The following CLEC20A variants were observed in gnomAD, a reference collection of about 807,000 sequenced individuals.
The protein encoded by CLEC20A is C-type lectin domain containing 20A, also known as putative C-type lectin domain family 20 member A.
intron 7 of CLEC20A, 78 bp from the exon 8 acceptor site, chr1:178,479,693 G>A (rs1186312093): frequency 7.6e-6 from 3 of 396,362 alleles, no homozygotes; most frequent in South Asian, 1.3e-4. Flanking sequence ...CTATCCATCC[G>A]TATACCCTTT....
At chr1:178,486,542 A>G in intron 5 of CLEC20A, 1 of 398,714 alleles carries the variant, frequency 2.5e-6, no homozygotes, top group Non-Finnish European at 4.4e-6. Flanking sequence ...GGGCTCCCTA[A>G]GCCAAATGAG....
intron 1 of CLEC20A, 41 bp downstream of exon 1, chr1:178,496,859 G>A: frequency 2.5e-6 from 1 of 398,718 alleles, no homozygotes; most frequent in Non-Finnish European, 4.4e-6. Context: ...GCCCGGGGGA[G>A]CATGGAGCCA....
chr1:178,497,371 G>A (rs1028135767), upstream of CLEC20A, among the ~76,000 whole-genome samples: 51 of 152,172 alleles, frequency 3.4e-4, no homozygotes, highest in African/African-American at 1.0e-3. Flanking sequence ...CCCTTGCCTG[G>A]CTGTGTAGAA....
chr1:178,484,213 C>G (rs1392531738), intron 5 of CLEC20A: 3 of 152,152 alleles, frequency 2.0e-5, no homozygotes. Flanking sequence ...TAATCAATTT[C>G]TAAGGGTAGA....
chr1:178,498,455 T>C (rs1649452328), upstream of CLEC20A, among the ~76,000 whole-genome samples: 1 of 152,088 alleles, frequency 6.6e-6, no homozygotes, highest in Admixed American at 6.5e-5. Context: ...CCAGGCTTGG[T>C]GGTGCATGTC....
At position 178,494,256 on chromosome 1, in the gene CLEC20A, G is replaced by A. The variant is rs533093437; in HGVS notation, c.397+198C>T. ...TTAAGGTTGGTTTTTTGTTTGTTTTGTTTTGTTTTTTAATTAGCCAGGTAT... is the reference window on the plus strand; with the variant it reads ...TTAAGGTTGGTTTTTTGTTTGTTTTATTTTGTTTTTTAATTAGCCAGGTAT... On this transcript the variant is annotated intron_variant, in intron 2 of 7. Transcript: ENST00000623247. Among the ~76,000 whole-genome samples, 72 of 152,270 alleles carry A rather than the reference G, an allele frequency of 4.7e-4. 1 individual carries two copies. The highest frequency in any genetic ancestry group is 4.4e-5 in the Non-Finnish European group (3 of 68,018).
exon 2 of CLEC20A, chr1:178,494,462 C>A (rs1649340036): frequency 2.5e-6 from 1 of 399,966 alleles, no homozygotes; most frequent in Non-Finnish European, 4.4e-6. Flanking sequence ...ACCACAGTAG[C>A]AGAGGAAGGG....
intron 1 of CLEC20A, 97 bp from the exon 2 acceptor site, chr1:178,494,907 C>G (rs1158399483): frequency 2.5e-6 from 1 of 398,382 alleles, no homozygotes; most frequent in East Asian, 3.6e-5. Flanking sequence ...TCCCCAGCCT[C>G]TTCCCGCCCA....
chr1:178,491,057 C>T (rs963783557), intron 3 of CLEC20A, among the ~76,000 whole-genome samples: 5 of 152,222 alleles, frequency 3.3e-5, no homozygotes, highest in Non-Finnish European at 5.9e-5. Context: ...GGAGGCAGAG[C>T]AGGCTCAGTG....
intron 6 of CLEC20A, 141 bp from the exon 7 acceptor site, chr1:178,482,538 C>A: frequency 2.5e-6 from 1 of 395,844 alleles, no homozygotes; most frequent in East Asian, 3.6e-5. Flanking sequence ...AACTGCTGAG[C>A]AGAAGAATGC....
intron 2 of CLEC20A, among the ~76,000 whole-genome samples, chr1:178,492,923 A>T (rs1649299362): frequency 6.6e-6 from 1 of 152,224 alleles, no homozygotes; most frequent in Admixed American, 6.5e-5. Flanking sequence ...GGAGTAGGAG[A>T]TGAGGCCGAA....
chr1:178,485,595 T>A (rs1043166562), intron 5 of CLEC20A, among the ~76,000 whole-genome samples: 1 of 152,250 alleles, frequency 6.6e-6, no homozygotes, highest in African/African-American at 2.4e-5. Flanking sequence ...GGTTCACACT[T>A]CTGGTGCAGC....
intron 6 of CLEC20A, chr1:178,482,953 C>A (rs1649030083): frequency 5.5e-6 from 2 of 366,774 alleles, no homozygotes; most frequent in Admixed American, 4.6e-5. Flanking sequence ...TTACCACATC[C>A]CCTTCACAGA....
chr1:178,486,749 A>G (rs1163939133), intron 5 of CLEC20A: 1 of 398,054 alleles, frequency 2.5e-6, no homozygotes, highest in Non-Finnish European at 4.4e-6. Context: ...CTCCCCCGAG[A>G]GGCCGCAGCA....
intron 3 of CLEC20A, among the ~76,000 whole-genome samples, chr1:178,491,191 C>T (rs1374165962): frequency 6.6e-6 from 1 of 152,156 alleles, no homozygotes; most frequent in Non-Finnish European, 1.5e-5. Context: ...CCTACCCTGC[C>T]CATCGCCGGT....
In CLEC20A at chr1:178,479,753, A is replaced by G. The variant is rs1572153403; in HGVS notation, c.1123-138T>C. On this transcript the variant is annotated intron_variant, in intron 7 of 7. Coordinates refer to ENST00000623247, the Ensembl canonical transcript of CLEC20A. Reference sequence around the variant, plus strand: ...TTTTTAGCCTCCCTCCAGCTGCCTGACTTTTTTTATTAGCATTTTACCAGT... The same window carrying G: ...TTTTTAGCCTCCCTCCAGCTGCCTGGCTTTTTTTATTAGCATTTTACCAGT... 3 of 391,844 alleles carry G rather than the reference A, an allele frequency of 7.7e-6. No individual in the cohort carries two copies. The East Asian group carries it at 1.1e-4, about 14-fold the overall frequency. The allele number at this position is 391,844 out of a possible 1,614,324, so 24.3% of individuals were successfully genotyped here.
exon 7 of CLEC20A, chr1:178,482,327 G>T (rs1572154882): frequency 2.5e-6 from 1 of 398,426 alleles, no homozygotes; most frequent in East Asian, 3.6e-5. Context: ...TCAGAAATTG[G>T]TCTTTCATCT....
intron 5 of CLEC20A, among the ~76,000 whole-genome samples, chr1:178,486,155 C>A (rs1649135337): frequency 1.3e-5 from 2 of 152,242 alleles, no homozygotes; most frequent in Non-Finnish European, 2.9e-5. Flanking sequence ...CACCCCACTT[C>A]ACCTCCATTT....
At chr1:178,490,043 A>G (rs1649235829) in intron 4 of CLEC20A, 29 bp downstream of exon 4, 3 of 398,612 alleles carry the variant, frequency 7.5e-6, no homozygotes, top group South Asian at 2.5e-4. Context: ...CAATGGGCCG[A>G]GGGCCAGCAA....
Sources: gnomAD v4.1 joint callset for allele counts (sites outside exome capture counted in the v4.1 genomes callset) on GRCh38, gnomAD v4.1.1 for gene constraint, MANE v1.5 for transcripts, NCBI Gene and HGNC (gene_info 2026-07-23, HGNC 2026-07-21) for gene names.